EXD3: variants seen among roughly 807,000 people sequenced by gnomAD.
EXD3 encodes the protein exonuclease mut-7 homolog.
EXD3 carries 92 observed loss-of-function variants against 98.0 expected under a neutral mutation model. The observed-to-expected ratio is 0.94, with a 90% CI of 0.79 to 1.12. The LOEUF (loss-of-function observed/expected upper bound fraction) is 1.12. Among genes scored for constraint, EXD3 ranks in the 50% most tolerant of loss-of-function variants. The probability of loss-of-function intolerance (pLI) is 0.00; values close to 1 mark genes in which losing one functional copy is unlikely to be tolerated. For missense variants in EXD3, 1,222 were observed against 1,191.6 expected, an observed-to-expected ratio of 1.03 and a Z score of -0.38; for synonymous variants, 569 against 526.0, an observed-to-expected ratio of 1.08 and a Z score of -1.12.
chr9:137,409,671 A>G (rs1837901071), intron 1 of EXD3, among the ~76,000 whole-genome samples: 1 of 152,230 alleles, frequency 6.6e-6, no homozygotes, highest in African/African-American at 2.4e-5. Context: ...TGTGACTGAG[A>G]ATGGAAACGG....
chr9:137,394,704 C>T (rs1359143927), intron 2 of EXD3, among the ~76,000 whole-genome samples: 5 of 46,936 alleles, frequency 1.1e-4, no homozygotes, highest in Non-Finnish European at 2.3e-4. Flanking sequence ...GGCAGCCGAG[C>T]GAGCGGGGAT....
At chr9:137,355,464 AGGAGGAAGGAGGAAGGAGGAAGGAGGAT>A (rs1834606015) in intron 8 of EXD3, among the ~76,000 whole-genome samples, 2 of 27,934 alleles carry the variant, frequency 7.2e-5, no homozygotes, top group African/African-American at 1.5e-4. Flanking sequence ...GGAAGGAGAA[AGGAGGAAGGAGGAAGGAGGAAGGAGGAT>A]GGAGGAAGGA....
intron 7 of EXD3, among the ~76,000 whole-genome samples, chr9:137,363,505 T>C (rs1376745565): frequency 6.6e-6 from 1 of 151,622 alleles, no homozygotes; most frequent in Non-Finnish European, 1.5e-5. Context: ...GCCTGGCTAA[T>C]TTTCGTATTT....
Position 137,405,836 on chromosome 9 carries a change from CCTGGAACCCTTG to C in EXD3, c.-47-10444_-47-10433del, listed in dbSNP as rs1254669030. 6.6e-6 allele frequency among the ~76,000 whole-genome samples: 1 copy of C among 152,230 alleles called. No homozygotes were observed. The highest frequency in any genetic ancestry group is 2.4e-5 in the African/African-American group (1 of 41,460). On this transcript the variant is annotated intron_variant, in intron 1 of 21. Transcript: ENST00000340951. This position sits in a 1 kb window ranked among gnomAD's most constrained non-coding sequence, Gnocchi z 4.1. ...CCCCGCCCTGCCTACCATCTGCTGC[CCTGGAACCCTTG>C]GTGGGACCCGCTGCCCACAGACACC...
chr9:137,326,367 T>G (rs570419336), intron 17 of EXD3, among the ~76,000 whole-genome samples: 1 of 152,072 alleles, frequency 6.6e-6, no homozygotes, highest in African/African-American at 2.4e-5. Flanking sequence ...TAATCCAGTT[T>G]AAAAATTGAA....
chr9:137,417,221 C>T (rs947726318), intron 1 of EXD3, among the ~76,000 whole-genome samples: 2 of 152,208 alleles, frequency 1.3e-5, no homozygotes, highest in African/African-American at 2.4e-5. Context: ...GCACAGAGGA[C>T]GCGGCCACGG....
At chr9:137,398,774 C>T (rs1349709448) in intron 1 of EXD3, among the ~76,000 whole-genome samples, 8 of 101,950 alleles carry the variant, frequency 7.8e-5, no homozygotes, top group African/African-American at 2.7e-4. Flanking sequence ...CCCGCGTCCC[C>T]GTGACACACA....
chr9:137,308,687 A>G (rs1588210535), intron 20 of EXD3, among the ~76,000 whole-genome samples: 1 of 134,510 alleles, frequency 7.4e-6, no homozygotes, highest in Admixed American at 8.2e-5. Flanking sequence ...CCAAGGCTGG[A>G]GTGCAGTGGT....
chr9:137,310,182 G>T (rs528919696), intron 19 of EXD3, among the ~76,000 whole-genome samples: 1 of 152,234 alleles, frequency 6.6e-6, no homozygotes, highest in Non-Finnish European at 1.5e-5. Context: ...TGAAAGTGGC[G>T]AGGGGGCTGG....
chr9:137,413,292 C>G (rs898751238), intron 1 of EXD3, among the ~76,000 whole-genome samples: 1 of 152,000 alleles, frequency 6.6e-6, no homozygotes, highest in Non-Finnish European at 1.5e-5. Context: ...GCTCCGCCTC[C>G]CGGGTTCACG....
At chr9:137,332,328 G>A (rs781336843) in intron 17 of EXD3, among the ~76,000 whole-genome samples, 15 of 152,186 alleles carry the variant, frequency 9.9e-5, no homozygotes, top group Non-Finnish European at 1.9e-4. Context: ...AGTGGCTCAC[G>A]CCTGTAATCC....
At chr9:137,316,627 C>T (rs1025492204) in intron 19 of EXD3, among the ~76,000 whole-genome samples, 2 of 152,220 alleles carry the variant, frequency 1.3e-5, no homozygotes, top group African/African-American at 2.4e-5. Flanking sequence ...GGGGGACTTC[C>T]TGGAGGAAGC....
intron 1 of EXD3, among the ~76,000 whole-genome samples, chr9:137,413,126 A>C (rs1838077352): frequency 6.6e-6 from 1 of 152,008 alleles, no homozygotes; most frequent in Non-Finnish European, 1.5e-5. Flanking sequence ...ACATACCATA[A>C]AATTTACCCT....
chr9:137,394,947 C>T (rs976047828), intron 2 of EXD3, among the ~76,000 whole-genome samples: 7 of 152,234 alleles, frequency 4.6e-5, no homozygotes, highest in Admixed American at 6.5e-5. Flanking sequence ...CCGGGCCCTC[C>T]GCCTGGCTCC....
chr9:137,356,997 T>TGCACACCAG (rs1440583706), intron 7 of EXD3, among the ~76,000 whole-genome samples: 1 of 152,150 alleles, frequency 6.6e-6, no homozygotes, highest in African/African-American at 2.4e-5. Flanking sequence ...ACCTCCAGGG[T>TGCACACCAG]CTGTGCCCGC....
chr9:137,358,407 C>A (rs1834896689), intron 7 of EXD3, among the ~76,000 whole-genome samples: 1 of 152,140 alleles, frequency 6.6e-6, no homozygotes, highest in South Asian at 2.1e-4. Flanking sequence ...ACAAAGACCC[C>A]CTGGAGACCC....
chr9:137,327,084 T>G (rs1311876417), intron 17 of EXD3, among the ~76,000 whole-genome samples: 1 of 151,390 alleles, frequency 6.6e-6, no homozygotes, highest in Non-Finnish European at 1.5e-5. Context: ...AGTGGAACAG[T>G]GGCCACCAGG....
intron 5 of EXD3, among the ~76,000 whole-genome samples, chr9:137,368,452 T>TG (rs931717558): frequency 2.0e-5 from 3 of 152,110 alleles, no homozygotes; most frequent in African/African-American, 7.2e-5. Flanking sequence ...TCCTGAGGCC[T>TG]GGGGGGTCCT....
intron 17 of EXD3, among the ~76,000 whole-genome samples, chr9:137,334,202 A>C (rs1336731656): frequency 1.3e-5 from 2 of 152,108 alleles, no homozygotes; most frequent in Non-Finnish European, 2.9e-5. Flanking sequence ...GGGTTTCACC[A>C]TGTTGGCCGG....
Sources: gnomAD v4.1 joint callset for allele counts (sites outside exome capture counted in the v4.1 genomes callset) on GRCh38, gnomAD v4.1.1 for gene constraint, Gnocchi (gnomAD v3.1) non-coding constraint, MANE v1.5 for transcripts, NCBI Gene and HGNC (gene_info 2026-07-23, HGNC 2026-07-21) for gene names.